BSPH1: variants seen among roughly 807,000 people sequenced by gnomAD.
The protein encoded by BSPH1 is binder of sperm protein homolog 1.
Under a neutral mutation model 22.5 loss-of-function variants are expected in BSPH1, and 21 were observed. The ratio of observed to expected loss-of-function variants is 0.93; its 90% CI spans 0.66 to 1.35. The LOEUF (loss-of-function observed/expected upper bound fraction) is 1.35. Ranked by LOEUF, BSPH1 falls within the 40% of genes most tolerant of loss-of-function variation. The pLI is 0.00. For missense variants in BSPH1, 141 were observed against 154.2 expected (o/e 0.91, Z 0.45); for synonymous variants, 42 against 53.6 (o/e 0.78, Z 0.95).
intron 3 of BSPH1, among the ~76,000 whole-genome samples, chr19:47,978,534 T>G (rs1044900926): frequency 1.3e-5 from 2 of 152,242 alleles, no homozygotes; most frequent in African/African-American, 4.8e-5. Context: ...TAAGTCCTTA[T>G]GTATTGAAGC....
intron 1 of BSPH1, among the ~76,000 whole-genome samples, chr19:47,987,732 G>A (rs1969484545): frequency 6.6e-6 from 1 of 151,892 alleles, no homozygotes; most frequent in Non-Finnish European, 1.5e-5. Context: ...GGCTGGGTGT[G>A]GTGGCTCACA....
rs913649247 is a variant in BSPH1 at position 47,987,214 on chromosome 19, A to C, written c.73+4795T>G. Among the ~76,000 whole-genome samples, 3 of 152,182 alleles carry C rather than the reference A, an allele frequency of 2.0e-5. No homozygotes were observed. The South Asian group carries it at 6.2e-4, about 32-fold the overall frequency. ...CCAGACAGTGAGGATGAAGACGAAG[A>C]ATTTGAGTGTCACTAGACAATCCAG... On this transcript the variant is annotated intron_variant, in intron 1 of 5. Coordinates refer to ENST00000344839, the MANE Select transcript of BSPH1 (RefSeq NM_001128326.2).
intron 1 of BSPH1, among the ~76,000 whole-genome samples, chr19:47,989,650 C>T (rs1351369618): frequency 6.6e-6 from 1 of 152,094 alleles, no homozygotes; most frequent in African/African-American, 2.4e-5. Context: ...CCTATGGCCT[C>T]CAGCAAGACT....
intron 5 of BSPH1, among the ~76,000 whole-genome samples, chr19:47,973,216 C>CAAAAAA (rs1412822380): frequency 1.8e-4 from 14 of 78,024 alleles, no homozygotes; most frequent in African/African-American, 6.1e-4. Flanking sequence ...GACTCCGTCT[C>CAAAAAA]AAAATAATAA....
At chr19:47,976,320 G>A (rs1271589866) in intron 5 of BSPH1, among the ~76,000 whole-genome samples, 3 of 151,824 alleles carry the variant, frequency 2.0e-5, no homozygotes, top group South Asian at 2.1e-4. Context: ...TTGTAGAAAC[G>A]GGGTCTTGCT....
intron 5 of BSPH1, among the ~76,000 whole-genome samples, chr19:47,973,887 C>T (rs1969335156): frequency 6.6e-6 from 1 of 152,138 alleles, no homozygotes; most frequent in African/African-American, 2.4e-5. Context: ...CACGTTTATC[C>T]TTATGATCTT....
intron 5 of BSPH1, among the ~76,000 whole-genome samples, chr19:47,974,270 T>TC (rs1555731039): frequency 5.5e-4 from 28 of 50,490 alleles, no homozygotes; most frequent in East Asian, 1.3e-3. Context: ...TCTCTCTCTC[T>TC]TTTTTTTTTT....
chr19:47,970,259 A>G, intron 5 of BSPH1, among the ~76,000 whole-genome samples: 1 of 152,002 alleles, frequency 6.6e-6, no homozygotes, highest in Non-Finnish European at 1.5e-5. Flanking sequence ...GGGCTTCACC[A>G]TGTTGTCCAG....
intron 1 of BSPH1, among the ~76,000 whole-genome samples, chr19:47,991,151 C>G (rs545920982): frequency 1.3e-5 from 2 of 152,276 alleles, no homozygotes; most frequent in East Asian, 3.9e-4. Context: ...CCGTCCCAGC[C>G]AGGGTCACCT....
intron 3 of BSPH1, among the ~76,000 whole-genome samples, chr19:47,979,172 TCC>T (rs1969395497): frequency 2.6e-5 from 4 of 151,880 alleles, no homozygotes; most frequent in Admixed American, 2.6e-4. Context: ...CCTTCCTCCC[TCC>T]TCCTCCTCCT....
At chr19:47,971,531 G>C (rs1025598282) in intron 5 of BSPH1, among the ~76,000 whole-genome samples, 2 of 152,174 alleles carry the variant, frequency 1.3e-5, no homozygotes, top group Non-Finnish European at 2.9e-5. Flanking sequence ...AAAATAAAGA[G>C]ATTTTATTGT....
At chr19:47,977,706 C>G in intron 3 of BSPH1, 1 of 984,586 alleles carries the variant, frequency 1.0e-6, no homozygotes, top group South Asian at 4.7e-5. Context: ...CCCTGCCCTA[C>G]TTCTTTTCCA....
At chr19:47,980,970 T>A in intron 1 of BSPH1, 29 bp from the exon 2 acceptor site, 1 of 1,263,838 alleles carries the variant, frequency 7.9e-7, no homozygotes. Flanking sequence ...AACAAATATT[T>A]ATGTCACTTT....
intron 1 of BSPH1, among the ~76,000 whole-genome samples, chr19:47,987,046 A>G (rs566922501): frequency 4.8e-4 from 73 of 152,296 alleles, no homozygotes; most frequent in African/African-American, 1.6e-3. Flanking sequence ...TTATAAAGAT[A>G]CCAGTCATTG....
At chr19:47,979,480 T>C (rs538116013) in intron 3 of BSPH1, 90 bp downstream of exon 3, 135 of 676,770 alleles carry the variant, frequency 2.0e-4, no homozygotes, top group South Asian at 1.7e-3. Flanking sequence ...AAAATGATTT[T>C]TTTTACTGGA....
chr19:47,972,989 G>A (rs185266169), intron 5 of BSPH1, among the ~76,000 whole-genome samples: 3,083 of 151,600 alleles, frequency 0.02, 106 homozygotes, highest in African/African-American at 0.069. Flanking sequence ...AGGCCGAGGC[G>A]GGTGGATCAC....
At chr19:47,982,758 G>C (rs913031825) in intron 1 of BSPH1, among the ~76,000 whole-genome samples, 11 of 152,286 alleles carry the variant, frequency 7.2e-5, no homozygotes, top group African/African-American at 2.2e-4. Context: ...ACATACAATG[G>C]AGTATTATTC....
intron 1 of BSPH1, among the ~76,000 whole-genome samples, chr19:47,991,684 CTTCT>C (rs1966874760): frequency 9.8e-6 from 1 of 101,822 alleles, no homozygotes; most frequent in Non-Finnish European, 2.2e-5. Context: ...CCTCCTCTTC[CTTCT>C]CTTTCTCCCC....
intron 5 of BSPH1, among the ~76,000 whole-genome samples, chr19:47,974,915 A>C (rs1969347409): frequency 6.6e-6 from 1 of 151,780 alleles, no homozygotes. Flanking sequence ...TGACACACCT[A>C]CCCCACTATA....
Sources: allele counts gnomAD v4.1 joint callset (sites outside exome capture counted in the v4.1 genomes callset), GRCh38; gene constraint gnomAD v4.1.1; transcripts MANE v1.5; gene names NCBI Gene and HGNC (gene_info 2026-07-23, HGNC 2026-07-21).